The following OLFM3 variants were observed in gnomAD, a reference collection of about 807,000 sequenced individuals.
OLFM3 encodes the protein noelin-3.
In OLFM3, 20 loss-of-function variants were observed where a neutral mutation model predicts 48.6. The observed-to-expected ratio is 0.41, with a 90% CI of 0.29 to 0.60. The LOEUF (loss-of-function observed/expected upper bound fraction) is 0.60. OLFM3 is among the 20% of genes least tolerant of loss of function. The pLI, the probability that OLFM3 is intolerant of heterozygous loss-of-function variation, is 0.28. For synonymous variants in OLFM3, 222 were observed against 198.1 expected, an observed-to-expected ratio of 1.12 and a Z score of -1.01; for missense variants, 437 against 544.3, an observed-to-expected ratio of 0.80 and a Z score of 1.96.
At chr1:101,807,550 C>T (rs567354157) in intron 4 of OLFM3, among the ~76,000 whole-genome samples, 40 of 151,790 alleles carry the variant, frequency 2.6e-4, no homozygotes, top group African/African-American at 8.2e-4. Flanking sequence ...GCTCAGTTTT[C>T]TCTATATGTG....
At chr1:101,991,092 C>T (rs1661397026) in intron 1 of OLFM3, among the ~76,000 whole-genome samples, 1 of 130,122 alleles carries the variant, frequency 7.7e-6, no homozygotes, top group African/African-American at 2.9e-5. Context: ...GATTAATGAC[C>T]AGTGTTAGGT....
intron 1 of OLFM3, among the ~76,000 whole-genome samples, chr1:101,943,473 A>T (rs905067918): frequency 1.3e-4 from 20 of 152,228 alleles, no homozygotes; most frequent in Non-Finnish European, 2.5e-4. Flanking sequence ...GTATATGCAA[A>T]TATCAATTGA....
chr1:101,820,258 C>A (rs1019478325), intron 4 of OLFM3, among the ~76,000 whole-genome samples: 1 of 152,044 alleles, frequency 6.6e-6, no homozygotes, highest in African/African-American at 2.4e-5. Context: ...TGTAATAGAA[C>A]CTAATGCTTC....
rs77897868 is a variant in OLFM3, at chr1:101,884,591, G to C, written c.70-47566C>G. On this transcript the variant is annotated intron_variant, in intron 1 of 5. Coordinates refer to ENST00000370103, the MANE Select transcript of OLFM3 (RefSeq NM_058170.4). ...CAGGATTTAAGACAGAAAGTAATAGGCTAACTGTAATATTTTGTGCAAATG... is the reference window on the plus strand; with the variant it reads ...CAGGATTTAAGACAGAAAGTAATAGCCTAACTGTAATATTTTGTGCAAATG... Among the ~76,000 whole-genome samples, 512 of 152,056 alleles carry C rather than the reference G, an allele frequency of 3.4e-3. 3 individuals carry two copies. The highest frequency in any genetic ancestry group is 5.1e-3 in the Non-Finnish European group (347 of 67,950).
At chr1:101,837,134 G>T in intron 1 of OLFM3, 109 bp from the exon 2 acceptor site, 1 of 1,130,678 alleles carries the variant, frequency 8.8e-7, no homozygotes, top group Non-Finnish European at 1.2e-6. Flanking sequence ...TTAACTTTGT[G>T]TTTTCAATCT....
At chr1:101,936,343 G>A (rs1280922838) in intron 1 of OLFM3, among the ~76,000 whole-genome samples, 1 of 151,722 alleles carries the variant, frequency 6.6e-6, no homozygotes, top group Non-Finnish European at 1.5e-5. Context: ...AGATCCAAAC[G>A]AAAAATGCAA....
At chr1:101,985,813 A>T (rs1661218412) in intron 1 of OLFM3, among the ~76,000 whole-genome samples, 1 of 152,166 alleles carries the variant, frequency 6.6e-6, no homozygotes. Context: ...TGTGTGTGTC[A>T]CTATATGTAT....
intron 1 of OLFM3, among the ~76,000 whole-genome samples, chr1:101,864,045 C>T (rs930568309): frequency 6.6e-6 from 1 of 152,150 alleles, no homozygotes; most frequent in Non-Finnish European, 1.5e-5. Context: ...TTCTCTTCTG[C>T]TTCAGGGCTT....
chr1:101,827,563 C>T (rs976550407), intron 3 of OLFM3, among the ~76,000 whole-genome samples: 13 of 152,050 alleles, frequency 8.5e-5, no homozygotes, highest in Non-Finnish European at 1.3e-4. Context: ...TACTTTGGAA[C>T]GTTCCATTTC....
chr1:101,834,736 ATTTATGTATTAATAAATT>A (rs1655321380), intron 2 of OLFM3, among the ~76,000 whole-genome samples: 1 of 152,198 alleles, frequency 6.6e-6, no homozygotes, highest in African/African-American at 2.4e-5. Context: ...GTTTTTTGTC[ATTTATGTATTAATAAATT>A]TTTAAAGGTA....
intron 1 of OLFM3, among the ~76,000 whole-genome samples, chr1:101,938,791 G>A (rs7538134): frequency 0.4 from 60,377 of 151,880 alleles, 12,274 homozygotes; most frequent in East Asian, 0.51. Context: ...AAGTCCCCCC[G>A]AGGCCTGGGA....
At chr1:101,867,338 T>C (rs893405984) in intron 1 of OLFM3, among the ~76,000 whole-genome samples, 3 of 152,234 alleles carry the variant, frequency 2.0e-5, no homozygotes, top group Non-Finnish European at 4.4e-5. Context: ...ATAAATATTA[T>C]AGACTGCGTT....
intron 1 of OLFM3, among the ~76,000 whole-genome samples, chr1:101,847,352 T>C (rs1414818407): frequency 1.3e-5 from 2 of 150,894 alleles, no homozygotes; most frequent in East Asian, 1.9e-4. Context: ...CTACTCTTTA[T>C]CTTTCATTAA....
rs921931363 is a variant in OLFM3, at chr1:101,802,930, G to C, written c.*1308C>G. The C allele has an allele frequency of 2.0e-5, 3 of 151,490 alleles. No homozygotes were observed. Among genetic ancestry groups the C allele is most frequent in the African/African-American group, 7.3e-5 (3 of 41,288 alleles). The allele number at this position is 151,490 out of a possible 1,614,324, so 9.4% of individuals were successfully genotyped here. On this transcript the variant is annotated 3_prime_UTR_variant, in exon 6 of 6. Coordinates refer to ENST00000370103, the MANE Select transcript of OLFM3 (RefSeq NM_058170.4). ...ATATAGTTAGCTTATATGTTTCATA[G>C]AGTTATTAACATAAGTATTATTAAA... is the stretch of plus-strand genomic sequence containing the variant.
intron 1 of OLFM3, among the ~76,000 whole-genome samples, chr1:101,948,730 G>A (rs1660032654): frequency 6.6e-6 from 1 of 151,728 alleles, no homozygotes; most frequent in African/African-American, 2.4e-5. Flanking sequence ...AACACTCAGG[G>A]TTTTCTCTTT....
At chr1:101,958,835 T>TTATATA (rs10571792) in intron 1 of OLFM3, among the ~76,000 whole-genome samples, 3,045 of 146,338 alleles carry the variant, frequency 0.021, 38 homozygotes, top group South Asian at 0.029. Context: ...CAAAGTGATA[T>TTATATA]TATATATATA....
intron 3 of OLFM3, among the ~76,000 whole-genome samples, chr1:101,829,180 T>C (rs985256313): frequency 6.6e-6 from 1 of 152,180 alleles, no homozygotes. Context: ...TGGCTAAAAT[T>C]AATTCTTTTG....
intron 1 of OLFM3, among the ~76,000 whole-genome samples, chr1:101,896,323 A>G (rs911865153): frequency 7.9e-5 from 12 of 152,018 alleles, no homozygotes; most frequent in African/African-American, 2.9e-4. Flanking sequence ...TCACTGTGAA[A>G]GTCATTCAGT....
chr1:101,825,795 C>G (rs928917808), intron 3 of OLFM3, among the ~76,000 whole-genome samples: 1 of 152,116 alleles, frequency 6.6e-6, no homozygotes, highest in Non-Finnish European at 1.5e-5. Context: ...GGCCATCAAC[C>G]AACTTTGTTT....
Sources: allele counts gnomAD v4.1 joint callset (sites outside exome capture counted in the v4.1 genomes callset), GRCh38; gene constraint gnomAD v4.1.1; transcripts MANE v1.5; gene names NCBI Gene and HGNC (gene_info 2026-07-23, HGNC 2026-07-21).